KLF12: variants seen among roughly 807,000 people sequenced by gnomAD.
KLF12 encodes KLF transcription factor 12.
KLF12 carries 9 observed loss-of-function variants against 37.8 expected under a neutral mutation model. The ratio of observed to expected loss-of-function variants is 0.24; its 90% CI spans 0.14 to 0.42. The LOEUF (loss-of-function observed/expected upper bound fraction) is 0.42, where lower values mean the gene tolerates loss of function less well. Among genes scored for constraint, KLF12 ranks in the 10% least tolerant of loss-of-function variants. The pLI, the probability that KLF12 is intolerant of heterozygous loss-of-function variation, is 1.00. For missense variants in KLF12, 411 were observed against 516.0 expected (o/e 0.80, Z 1.97); for synonymous variants, 208 against 202.1 (o/e 1.03, Z -0.25).
At chr13:73,992,972 C>T (rs1892010608) in intron 2 of KLF12, among the ~76,000 whole-genome samples, 1 of 152,180 alleles carries the variant, frequency 6.6e-6, no homozygotes, top group African/African-American at 2.4e-5. Context: ...TCACTCACGC[C>T]TGTAATCCCA....
chr13:73,796,643 T>C (rs1288403223), intron 5 of KLF12, among the ~76,000 whole-genome samples: 2 of 152,118 alleles, frequency 1.3e-5, no homozygotes, highest in Non-Finnish European at 2.9e-5. Flanking sequence ...ACAAATCTTA[T>C]AGAAAACTCT....
chr13:73,859,823 A>T (rs1284802174), intron 3 of KLF12, among the ~76,000 whole-genome samples: 1 of 152,132 alleles, frequency 6.6e-6, no homozygotes, highest in African/African-American at 2.4e-5. Context: ...AAAAAAAAAA[A>T]TCCGAAACCA....
the KLF12 span, among the ~76,000 whole-genome samples, chr13:74,284,562 A>T: frequency 6.6e-6 from 1 of 152,210 alleles, no homozygotes; most frequent in Non-Finnish European, 1.5e-5. Context: ...AAGGCAGTCC[A>T]GTCTTCCTTT....
chr13:74,014,746 T>C (rs1892645252), intron 1 of KLF12, among the ~76,000 whole-genome samples: 1 of 152,228 alleles, frequency 6.6e-6, no homozygotes, highest in African/African-American at 2.4e-5. Flanking sequence ...GTATGTACTT[T>C]CCAAGGTCTC....
chr13:73,855,800 T>A (rs1031377933), intron 3 of KLF12, among the ~76,000 whole-genome samples: 1 of 150,442 alleles, frequency 6.6e-6, no homozygotes, highest in African/African-American at 2.4e-5. Context: ...TGGTATGACA[T>A]GGCATCTCAT....
At chr13:73,878,561 G>A (rs1394504647) in intron 3 of KLF12, among the ~76,000 whole-genome samples, 2 of 152,052 alleles carry the variant, frequency 1.3e-5, no homozygotes, top group African/African-American at 2.4e-5. Flanking sequence ...CCTTGGCTCC[G>A]GTTATCTTCT....
intron 5 of KLF12, among the ~76,000 whole-genome samples, chr13:73,797,819 T>TA (rs767538359): frequency 8.0e-5 from 12 of 150,196 alleles, no homozygotes; most frequent in Non-Finnish European, 1.3e-4. Context: ...ATCCTAAACT[T>TA]AGAGTTATTG....
chr13:74,106,526 A>T (rs1373601966), intron 1 of KLF12, among the ~76,000 whole-genome samples: 2 of 152,214 alleles, frequency 1.3e-5, no homozygotes, highest in African/African-American at 4.8e-5. Context: ...TTTTCAAAAT[A>T]TTCATCTTAT....
chr13:74,072,475 C>T (rs1319319040), intron 1 of KLF12, among the ~76,000 whole-genome samples: 4 of 148,312 alleles, frequency 2.7e-5, no homozygotes, highest in African/African-American at 4.9e-5. Flanking sequence ...CAGTGGCTCA[C>T]GCCTATAATC....
At chr13:73,899,709 G>C (rs1295060181) in intron 3 of KLF12, among the ~76,000 whole-genome samples, 6 of 152,140 alleles carry the variant, frequency 3.9e-5, no homozygotes. Flanking sequence ...AATTTGCTCT[G>C]TCTTCTGAAA....
chr13:73,754,692 A>C (rs1879022277), intron 6 of KLF12, among the ~76,000 whole-genome samples: 1 of 152,028 alleles, frequency 6.6e-6, no homozygotes, highest in Non-Finnish European at 1.5e-5. Flanking sequence ...AAATGCAAAA[A>C]CCCACCCAGG....
chr13:74,032,060 C>T (rs563777398), intron 1 of KLF12, among the ~76,000 whole-genome samples: 7 of 152,092 alleles, frequency 4.6e-5, no homozygotes, highest in Non-Finnish European at 1.0e-4. Context: ...TGTTCACAAG[C>T]GTACAGAGGC....
intron 4 of KLF12, among the ~76,000 whole-genome samples, chr13:73,842,575 C>T (rs182328410): frequency 2.0e-5 from 3 of 152,322 alleles, no homozygotes; most frequent in Non-Finnish European, 4.4e-5. Flanking sequence ...ATTCACAGTC[C>T]TTCACGTAAT....
chr13:73,742,226 T>C (rs900565915), intron 6 of KLF12, among the ~76,000 whole-genome samples: 1 of 152,242 alleles, frequency 6.6e-6, no homozygotes, highest in African/African-American at 2.4e-5. Flanking sequence ...GAGAAGATTC[T>C]TGAATATTTA....
intron 4 of KLF12, among the ~76,000 whole-genome samples, chr13:73,829,422 T>C (rs907848993): frequency 6.6e-6 from 1 of 152,140 alleles, no homozygotes; most frequent in Non-Finnish European, 1.5e-5. Context: ...TGTTACAAGA[T>C]AGAGGATAAA....
At chr13:74,128,641 G>C (rs1878082446) in intron 1 of KLF12, among the ~76,000 whole-genome samples, 1 of 152,160 alleles carries the variant, frequency 6.6e-6, no homozygotes, top group African/African-American at 2.4e-5. Context: ...TCATCTTAGA[G>C]GTTACCATTC....
intron 5 of KLF12, among the ~76,000 whole-genome samples, chr13:73,779,951 T>C (rs1031883833): frequency 6.6e-5 from 10 of 152,182 alleles, no homozygotes; most frequent in Non-Finnish European, 1.2e-4. Context: ...ATTAAGAACA[T>C]ACATAATTCA....
At chr13:74,135,586 G>A (rs1392674378), upstream of KLF12, among the ~76,000 whole-genome samples, 1 of 151,296 alleles carries the variant, frequency 6.6e-6, no homozygotes, top group African/African-American at 2.4e-5. Context: ...AGACGGGGCG[G>A]AAGCGGCCGG....
chr13:73,774,315 T>C (rs1444357978), intron 5 of KLF12, among the ~76,000 whole-genome samples: 1 of 151,342 alleles, frequency 6.6e-6, no homozygotes, highest in South Asian at 2.1e-4. Flanking sequence ...TATATATATA[T>C]ATATATAGAT....
Sources: allele counts gnomAD v4.1 joint callset (sites outside exome capture counted in the v4.1 genomes callset), GRCh38; gene constraint gnomAD v4.1.1; transcripts MANE v1.5; gene names NCBI Gene and HGNC (gene_info 2026-07-23, HGNC 2026-07-21).